Variants in SLC8A1 observed in about 807,000 individuals in gnomAD.
SLC8A1 encodes sodium/calcium exchanger 1.
A neutral mutation model predicts 68.3 loss-of-function variants in SLC8A1; 18 were observed. That is an observed-to-expected ratio of 0.26 (90% CI 0.18 to 0.39). SLC8A1 has a LOEUF of 0.39. SLC8A1 is among the 10% of genes least tolerant of loss of function. The pLI, the probability that SLC8A1 is intolerant of heterozygous loss-of-function variation, is 1.00. For missense variants in SLC8A1, 985 were observed against 1,156.7 expected, an observed-to-expected ratio of 0.85 and a Z score of 2.15; for synonymous variants, 475 against 415.5, an observed-to-expected ratio of 1.14 and a Z score of -1.74.
intron 2 of SLC8A1, among the ~76,000 whole-genome samples, chr2:40,390,707 GT>G (rs991527850): frequency 5.9e-5 from 9 of 151,846 alleles, no homozygotes; most frequent in African/African-American, 1.9e-4. Context: ...CTTCTGCCAT[GT>G]TTTTTTTAAC....
chr2:40,299,809 C>A (rs1031286508), intron 2 of SLC8A1, among the ~76,000 whole-genome samples: 17 of 152,140 alleles, frequency 1.1e-4, no homozygotes, highest in African/African-American at 4.1e-4. Flanking sequence ...AGGACAGAAA[C>A]AAAGTGAATT....
chr2:40,137,103 C>T (rs2040644618), intron 7 of SLC8A1, among the ~76,000 whole-genome samples: 1 of 152,158 alleles, frequency 6.6e-6, no homozygotes, highest in Non-Finnish European at 1.5e-5. Context: ...CAAGTGACTC[C>T]TCTAAACATG....
At chr2:40,497,163 G>A (rs554361105) in intron 1 of SLC8A1, among the ~76,000 whole-genome samples, 1 of 152,198 alleles carries the variant, frequency 6.6e-6, no homozygotes, top group East Asian at 1.9e-4. Flanking sequence ...TTAACAGCAT[G>A]GAGTTAAATA....
intron 2 of SLC8A1, among the ~76,000 whole-genome samples, chr2:40,335,284 T>C (rs1230498026): frequency 6.6e-6 from 1 of 152,226 alleles, no homozygotes; most frequent in Non-Finnish European, 1.5e-5. Flanking sequence ...TTTAGCAATG[T>C]GCTCATATAT....
Position 40,245,013 on chromosome 2 carries a change from C to T in SLC8A1, c.1809-67158G>A, listed in dbSNP as rs1467357269. ...AATTTACAGTGTTCAAAGGTAGCTT[C>T]CTGACTCTTGAGTTACATAAATGGC... On this transcript the variant is annotated intron_variant, in intron 2 of 7. Coordinates refer to ENST00000406785, the Ensembl canonical transcript of SLC8A1. Among the ~76,000 whole-genome samples the T allele has an allele frequency of 2.6e-5, 4 of 152,194 alleles. No homozygotes were observed. In the East Asian group the frequency reaches 5.8e-4, roughly 22 times the overall value.
chr2:40,135,650 G>A (rs72935262), intron 7 of SLC8A1, among the ~76,000 whole-genome samples: 59,376 of 151,906 alleles, frequency 0.39, 11,853 homozygotes, highest in East Asian at 0.61. Flanking sequence ...CCCGAGAGGC[G>A]GAGGTTGCAG....
chr2:40,425,689 T>C (rs955510660), intron 2 of SLC8A1, among the ~76,000 whole-genome samples: 6 of 151,940 alleles, frequency 3.9e-5, no homozygotes, highest in Non-Finnish European at 2.9e-5. Flanking sequence ...AAATTCATTC[T>C]TAAAGATAAG....
In SLC8A1 at chr2:40,173,479, C is replaced by T. The variant is rs553307821; in HGVS notation, c.1930+1346G>A. Among the ~76,000 whole-genome samples, 8 of 152,230 alleles carry T rather than the reference C, an allele frequency of 5.3e-5. No individual in the cohort carries two copies. In the South Asian group the frequency reaches 1.7e-3, roughly 32 times the overall value. On this transcript the variant is annotated intron_variant, in intron 4 of 7. Coordinates refer to ENST00000406785, the Ensembl canonical transcript of SLC8A1. ...TCTCAGAGTCTATGAATCATTTTGT[C>T]ATTAAATGCCATGTCTAGAGAGAAG... is the stretch of plus-strand genomic sequence containing the variant.
At chr2:40,125,746 T>C (rs890161538) in intron 7 of SLC8A1, among the ~76,000 whole-genome samples, 2 of 151,782 alleles carry the variant, frequency 1.3e-5, no homozygotes, top group East Asian at 1.9e-4. Context: ...TAACTTATAA[T>C]GAAAAAAAGA....
intron 2 of SLC8A1, among the ~76,000 whole-genome samples, chr2:40,241,363 G>C (rs2061199438): frequency 6.6e-6 from 1 of 151,906 alleles, no homozygotes. Context: ...AGGGGGCATG[G>C]GTTGAAAAAC....
intron 2 of SLC8A1, among the ~76,000 whole-genome samples, chr2:40,191,663 G>A (rs1363144864): frequency 6.6e-6 from 1 of 152,154 alleles, no homozygotes; most frequent in Non-Finnish European, 1.5e-5. Context: ...CAGTGAGAAA[G>A]TACTTGCTGA....
chr2:40,460,866 C>CCTGA (rs71406067), intron 1 of SLC8A1, among the ~76,000 whole-genome samples: 74,720 of 151,460 alleles, frequency 0.49, 19,093 homozygotes, highest in Middle Eastern at 0.57. Context: ...AGCCACCGCA[C>CCTGA]CTGACTATAA....
chr2:40,265,367 C>T (rs1027710230), intron 2 of SLC8A1, among the ~76,000 whole-genome samples: 3 of 152,144 alleles, frequency 2.0e-5, no homozygotes, highest in African/African-American at 7.2e-5. Flanking sequence ...TTACAGTACA[C>T]TGCTTATTAG....
At chr2:40,414,433 T>C (rs553527579) in intron 2 of SLC8A1, among the ~76,000 whole-genome samples, 77 of 152,304 alleles carry the variant, frequency 5.1e-4, no homozygotes, top group African/African-American at 1.4e-3. Flanking sequence ...TTTGTACATC[T>C]GCTGAGTAAC....
At chr2:40,101,077 T>A (rs192986304) in exon 8 of SLC8A1, 2 of 152,160 alleles carry the variant, frequency 1.3e-5, no homozygotes, top group African/African-American at 2.4e-5. Context: ...TGTGCACACA[T>A]ACACACATAT....
chr2:40,168,348 T>C (rs372461711), intron 4 of SLC8A1, among the ~76,000 whole-genome samples: 24 of 152,076 alleles, frequency 1.6e-4, no homozygotes, highest in African/African-American at 5.5e-4. Flanking sequence ...TAAGGATAGA[T>C]AGGAGGTGGT....
rs532525157 is a variant in SLC8A1 at position 40,270,469 on chromosome 2, C to A, written c.1809-92614G>T. Among the ~76,000 whole-genome samples, 9 of 152,238 alleles carry A rather than the reference C, an allele frequency of 5.9e-5. No homozygotes were observed. The East Asian group carries it at 7.7e-4, about 13-fold the overall frequency. On this transcript the variant is annotated intron_variant, in intron 2 of 7. Transcript: ENST00000406785. ...TCTAGAGGAGAATCTGTTTCCTTGC[C>A]TTTTCCACCTTCTACAGATCACCTG... is the stretch of plus-strand genomic sequence containing the variant.
At chr2:40,176,347 TG>T (rs1194624100) in intron 3 of SLC8A1, among the ~76,000 whole-genome samples, 1 of 152,176 alleles carries the variant, frequency 6.6e-6, no homozygotes, top group Non-Finnish European at 1.5e-5. Flanking sequence ...AAACGGCAAT[TG>T]TAAGAGCAGA....
upstream of SLC8A1, chr2:40,453,479 A>G (rs1235543974): frequency 6.6e-6 from 1 of 152,200 alleles, no homozygotes; most frequent in Non-Finnish European, 1.5e-5. Context: ...TCCGCAACAA[A>G]GAGGGGGCGG....
Sources: gnomAD v4.1 joint callset for allele counts (sites outside exome capture counted in the v4.1 genomes callset) on GRCh38, gnomAD v4.1.1 for gene constraint, MANE v1.5 for transcripts, NCBI Gene and HGNC (gene_info 2026-07-23, HGNC 2026-07-21) for gene names.